Variants in KRT86 observed in about 807,000 individuals in gnomAD.
KRT86 encodes keratin, type II cuticular Hb6.
KRT86 carries 30 observed loss-of-function variants against 41.2 expected under a neutral mutation model. That is an observed-to-expected ratio of 0.73 (90% CI 0.54 to 0.99). The LOEUF (loss-of-function observed/expected upper bound fraction) is 0.99. KRT86 is among the 50% of genes least tolerant of loss of function. KRT86 has a pLI of 0.00. For missense variants in KRT86, 561 were observed against 571.4 expected (o/e 0.98, Z 0.19); for synonymous variants, 238 against 238.1 (o/e 1.00, Z 0.00).
At chr12:52,282,031 G>C (rs1035006639) in intron 2 of KRT86, among the ~76,000 whole-genome samples, 1 of 152,108 alleles carries the variant, frequency 6.6e-6, no homozygotes, top group African/African-American at 2.4e-5. Context: ...GTGAGCCACT[G>C]TGCTTGGCTT....
intron 2 of KRT86, among the ~76,000 whole-genome samples, chr12:52,300,491 T>G (rs1938347282): frequency 6.6e-6 from 1 of 152,178 alleles, no homozygotes; most frequent in Non-Finnish European, 1.5e-5. Context: ...AAGGCAGTAG[T>G]AGGAGGGAAA....
intron 8 of KRT86, 58 bp from the exon 9 acceptor site, chr12:52,306,002 G>A: frequency 2.5e-6 from 4 of 1,605,572 alleles, no homozygotes; most frequent in Non-Finnish European, 3.4e-6. Context: ...TCTCATCGAG[G>A]TAAGCATCAG....
At chr12:52,275,302 G>C (rs1458064476) in intron 1 of KRT86, among the ~76,000 whole-genome samples, 8 of 152,146 alleles carry the variant, frequency 5.3e-5, no homozygotes, top group Non-Finnish European at 8.8e-5. Flanking sequence ...TAGCAGCCTT[G>C]GGTTTGGGGA....
intron 2 of KRT86, among the ~76,000 whole-genome samples, chr12:52,301,608 G>C (rs1938377352): frequency 6.6e-6 from 1 of 152,168 alleles, no homozygotes; most frequent in South Asian, 2.1e-4. Context: ...ACTGTGTATT[G>C]GGAGGTTGAG....
intron 2 of KRT86, among the ~76,000 whole-genome samples, chr12:52,283,380 G>A (rs1289861518): frequency 2.5e-5 from 2 of 80,304 alleles, no homozygotes; most frequent in Admixed American, 3.5e-4. Context: ...GCAACAGGGT[G>A]AAACTGTCTC....
At chr12:52,278,101 T>C (rs987322385) in intron 2 of KRT86, among the ~76,000 whole-genome samples, 2 of 152,104 alleles carry the variant, frequency 1.3e-5, no homozygotes, top group African/African-American at 2.4e-5. Flanking sequence ...AAGGTGGGGT[T>C]ACATGACCAG....
intron 2 of KRT86, chr12:52,288,561 G>C: frequency 1.5e-6 from 2 of 1,355,136 alleles, no homozygotes; most frequent in Non-Finnish European, 1.1e-6. Context: ...GCAGTCCCTG[G>C]TGTCCCATTC....
chr12:52,304,941 T>A lies in KRT86; in HGVS notation c.649T>A (p.Cys217Ser), dbSNP rs779212628. The A allele has an allele frequency of 1.5e-5, 25 of 1,614,008 alleles. No individual in the cohort carries two copies. Among genetic ancestry groups the A allele is most frequent in the Non-Finnish European group, 2.1e-5 (25 of 1,180,020 alleles). ...EFVALKKDVD[C>S]AYLRKSDLEA... ...CTCCCCACCTTTCCAGGATGTGGAC[T>A]GCGCCTACCTCCGCAAATCAGACCT... is the stretch of plus-strand genomic sequence containing the variant. Residue 217 changes from cysteine to serine, a missense_variant, in exon 6 of 11, where the codon TGC becomes AGC. Transcript: ENST00000423955.
In KRT86 at chr12:52,306,150, G is replaced by T. The variant is rs1165062617; in HGVS notation, c.1117G>T (p.Gly373Cys). 1.9e-6 allele frequency: 3 copies of T among 1,613,976 alleles called. No homozygotes were observed. The highest frequency in any genetic ancestry group is 2.5e-6 in the Non-Finnish European group (3 of 1,180,034). ...CCGCTGCAAGTTGGCCGAGCTGGAGGGTGCCCTGCAGAAGGCCAAGCAGGA... is the reference window on the plus strand; with the variant it reads ...CCGCTGCAAGTTGGCCGAGCTGGAGTGTGCCCTGCAGAAGGCCAAGCAGGA... The part of the protein sequence containing the change: ...DARCKLAELE[G>C]ALQKAKQDMA... The change falls in exon 9 of 11, where the codon GGT (glycine) becomes TGT (cysteine). Residue 373 changes from glycine (G) to cysteine (C), a missense_variant. Physicochemically the swap from Gly to Cys is radical, Grantham distance 159. Coordinates refer to ENST00000423955, the MANE Select transcript of KRT86 (RefSeq NM_001320198.2).
intron 2 of KRT86, among the ~76,000 whole-genome samples, 152 bp downstream of exon 2, chr12:52,276,098 T>C (rs1300175420): frequency 7.9e-5 from 12 of 152,256 alleles, no homozygotes; most frequent in Non-Finnish European, 1.5e-4. Flanking sequence ...GCTGCATGCA[T>C]ATATCATGCT....
At chr12:52,299,417 A>G (rs1938321313) in intron 2 of KRT86, among the ~76,000 whole-genome samples, 1 of 152,198 alleles carries the variant, frequency 6.6e-6, no homozygotes, top group Non-Finnish European at 1.5e-5. Flanking sequence ...GGGAGTGCAG[A>G]CATCTCTTTG....
chr12:52,291,655 TC>T, intron 2 of KRT86: 1 of 763,536 alleles, frequency 1.3e-6, no homozygotes. Flanking sequence ...CTAACGCCTC[TC>T]CAGAATGTGC....
Position 52,287,643 on chromosome 12 carries a change from G to A in KRT86, c.-5+11697G>A, listed in dbSNP as rs760791254. The stretch of plus-strand genomic sequence containing the variant: ...TCGGCCGTCAGCCTTTGGATCATGC[G>A]GTTCAGCTCATTGATCTCCTCCTTG... On this transcript the variant is annotated intron_variant, in intron 2 of 10. Transcript: ENST00000423955. The A allele has an allele frequency of 8.1e-6, 13 of 1,613,720 alleles. No homozygotes were observed. Among genetic ancestry groups the A allele is most frequent in the Middle Eastern group, 1.6e-4 (1 of 6,076 alleles).
intron 2 of KRT86, among the ~76,000 whole-genome samples, chr12:52,282,851 C>A (rs936743164): frequency 2.6e-5 from 4 of 152,246 alleles, no homozygotes; most frequent in Admixed American, 2.6e-4. Context: ...CACATAGATG[C>A]ACACATGTCC....
intron 1 of KRT86, chr12:52,275,056 G>C (rs1278829450): frequency 1.3e-5 from 2 of 152,204 alleles, no homozygotes; most frequent in African/African-American, 4.8e-5. Flanking sequence ...GCACGTGGTG[G>C]ATGGAATGAG....
chr12:52,286,580 T>C, intron 2 of KRT86: 1 of 1,360,686 alleles, frequency 7.3e-7, no homozygotes, highest in Non-Finnish European at 1.0e-6. Context: ...ACCTGAGCTC[T>C]GGTATGAAAA....
intron 2 of KRT86, chr12:52,291,519 G>T: frequency 1.2e-6 from 2 of 1,604,278 alleles, no homozygotes; most frequent in Non-Finnish European, 1.7e-6. Flanking sequence ...CTGGAGTCCT[G>T]ATGGAAACTC....
intron 2 of KRT86, chr12:52,287,243 G>A: frequency 1.2e-6 from 2 of 1,614,040 alleles, no homozygotes; most frequent in Non-Finnish European, 1.7e-6. Flanking sequence ...CTCCAGCTCG[G>A]CCAGCTTGCA....
At chr12:52,291,947 A>C (rs904035249) in intron 2 of KRT86, among the ~76,000 whole-genome samples, 1 of 152,142 alleles carries the variant, frequency 6.6e-6, no homozygotes, top group South Asian at 2.1e-4. Flanking sequence ...AGGCTGAGGC[A>C]TTAATAAATA....
Sources: allele counts gnomAD v4.1 joint callset (sites outside exome capture counted in the v4.1 genomes callset), GRCh38; gene constraint gnomAD v4.1.1; transcripts MANE v1.5; gene names NCBI Gene and HGNC (gene_info 2026-07-23, HGNC 2026-07-21).